The following CHLSN variants were observed in gnomAD, a reference collection of about 807,000 sequenced individuals.
CHLSN encodes protein cholesin.
the CHLSN span, among the ~76,000 whole-genome samples, chr7:1,017,502 G>C: frequency 6.6e-6 from 1 of 152,328 alleles, no homozygotes; most frequent in East Asian, 1.9e-4. Context: ...CAGGGCTCCA[G>C]TGTCGCTGCC....
chr7:1,074,987 T>TG, the CHLSN span, among the ~76,000 whole-genome samples: 3 of 152,242 alleles, frequency 2.0e-5, no homozygotes, highest in Admixed American at 2.0e-4. Context: ...ACGTGTGAGC[T>TG]GGGGGGCTCC....
the CHLSN span, among the ~76,000 whole-genome samples, chr7:989,831 G>A: frequency 3.4e-5 from 5 of 148,590 alleles, no homozygotes; most frequent in African/African-American, 9.9e-5. Flanking sequence ...TGCTGGGGGC[G>A]GTGTGGTCGG....
the CHLSN span, among the ~76,000 whole-genome samples, chr7:1,099,346 G>A: frequency 1.3e-5 from 2 of 152,230 alleles, no homozygotes; most frequent in Non-Finnish European, 2.9e-5. Context: ...GCTAACAGCC[G>A]CCCTGTGCTG....
the CHLSN span, chr7:1,056,198 G>A: frequency 6.4e-6 from 1 of 155,960 alleles, no homozygotes; most frequent in Non-Finnish European, 1.4e-5. Context: ...CTGCCTGGCC[G>A]AGGAGGTGCT....
chr7:1,114,726 C>T, the CHLSN span, among the ~76,000 whole-genome samples: 5 of 152,240 alleles, frequency 3.3e-5, no homozygotes, highest in African/African-American at 4.8e-5. Context: ...AGCAAGGAAT[C>T]GCCAGGCCCA....
chr7:1,038,357 C>A, the CHLSN span, among the ~76,000 whole-genome samples: 85 of 93,750 alleles, frequency 9.1e-4, 6 homozygotes, highest in Non-Finnish European at 2.8e-4. Context: ...GTGAGGGGTG[C>A]CTCTGCCCGG....
At chr7:1,013,674 A>T in the CHLSN span, among the ~76,000 whole-genome samples, 3 of 152,160 alleles carry the variant, frequency 2.0e-5, no homozygotes, top group African/African-American at 7.2e-5. Flanking sequence ...CACAGATGGG[A>T]CGGGCCTCAT....
the CHLSN span, among the ~76,000 whole-genome samples, chr7:1,101,136 C>T: frequency 6.1e-4 from 93 of 152,388 alleles, no homozygotes; most frequent in African/African-American, 2.1e-3. Context: ...CGTGTACGTG[C>T]GCACACTCCC....
chr7:1,121,540 T>A, the CHLSN span, among the ~76,000 whole-genome samples: 2 of 152,216 alleles, frequency 1.3e-5, no homozygotes, highest in Non-Finnish European at 2.9e-5. Flanking sequence ...TAATACACAC[T>A]GATTTTCAAG....
chr7:1,051,353 G>A, the CHLSN span, among the ~76,000 whole-genome samples: 1 of 152,410 alleles, frequency 6.6e-6, no homozygotes, highest in South Asian at 2.1e-4. Flanking sequence ...GGGAGACCCT[G>A]AGCCAGGCCG....
the CHLSN span, among the ~76,000 whole-genome samples, chr7:1,002,739 G>A: frequency 1.8e-5 from 2 of 110,596 alleles, no homozygotes; most frequent in Admixed American, 8.3e-5. Flanking sequence ...GTGGAATCCT[G>A]TGGGTGGGGA....
chr7:1,078,564 G>A, the CHLSN span, among the ~76,000 whole-genome samples: 3 of 151,724 alleles, frequency 2.0e-5, no homozygotes, highest in African/African-American at 7.3e-5. Context: ...GACCACAGGC[G>A]AGGCCTAACG....
At chr7:999,586 A>C in the CHLSN span, among the ~76,000 whole-genome samples, 2 of 152,246 alleles carry the variant, frequency 1.3e-5, no homozygotes, top group Non-Finnish European at 2.9e-5. Flanking sequence ...CCACAAAAAA[A>C]CAAAAACAAC....
At chr7:1,024,331 A>G in the CHLSN span, among the ~76,000 whole-genome samples, 1 of 152,174 alleles carries the variant, frequency 6.6e-6, no homozygotes, top group African/African-American at 2.4e-5. Flanking sequence ...GGCCCCACAG[A>G]GCCCTGCCCG....
chr7:1,057,634 T>C, the CHLSN span: 2 of 770,528 alleles, frequency 2.6e-6, no homozygotes, highest in East Asian at 2.4e-5. Context: ...GGCGTGCCAG[T>C]GGGCCTGTGC....
At chr7:1,105,138 G>T in the CHLSN span, among the ~76,000 whole-genome samples, 1 of 152,050 alleles carries the variant, frequency 6.6e-6, no homozygotes, top group Non-Finnish European at 1.5e-5. Context: ...CTGGGTAAAA[G>T]GGCCAGGGCA....
chr7:1,016,538 G>A, the CHLSN span, among the ~76,000 whole-genome samples: 2 of 137,510 alleles, frequency 1.5e-5, no homozygotes, highest in African/African-American at 5.5e-5. Flanking sequence ...CCAGCACAAA[G>A]CAGCGCACGC....
the CHLSN span, chr7:989,412 C>A: frequency 6.5e-6 from 1 of 153,430 alleles, no homozygotes; most frequent in African/African-American, 2.4e-5. Flanking sequence ...GAGACAGGCA[C>A]TGGCGCCAGA....
the CHLSN span, among the ~76,000 whole-genome samples, chr7:1,068,155 G>A: frequency 1.3e-5 from 2 of 152,154 alleles, no homozygotes; most frequent in Non-Finnish European, 2.9e-5. Flanking sequence ...CTTGAGACAC[G>A]GATGCTTTGT....
Sources: allele counts gnomAD v4.1 joint callset (sites outside exome capture counted in the v4.1 genomes callset), GRCh38; gene constraint gnomAD v4.1.1; transcripts MANE v1.5; gene names NCBI Gene and HGNC (gene_info 2026-07-23, HGNC 2026-07-21).